The following RABGAP1L variants were observed in gnomAD, a reference collection of about 807,000 sequenced individuals.
RABGAP1L encodes RAB GTPase activating protein 1 like, also known as rab GTPase-activating protein 1-like.
RABGAP1L carries 63 observed loss-of-function variants against 137.7 expected under a neutral mutation model. The observed-to-expected ratio is 0.46, with a 90% CI of 0.37 to 0.56. The LOEUF (loss-of-function observed/expected upper bound fraction) is 0.56, where lower values mean the gene tolerates loss of function less well. RABGAP1L is among the 20% of genes least tolerant of loss of function. RABGAP1L has a pLI of 0.00. For missense variants in RABGAP1L, 1,095 were observed against 1,244.0 expected (o/e 0.88, Z 1.80); for synonymous variants, 431 against 433.7 (o/e 0.99, Z 0.08).
intron 22 of RABGAP1L, among the ~76,000 whole-genome samples, chr1:174,978,295 C>T (rs1023080653): frequency 6.6e-6 from 1 of 152,176 alleles, no homozygotes; most frequent in Non-Finnish European, 1.5e-5. Context: ...CCTGAATCTC[C>T]TGTCCTTCTC....
At chr1:174,867,702 G>A (rs1277365452) in intron 19 of RABGAP1L, among the ~76,000 whole-genome samples, 1 of 152,132 alleles carries the variant, frequency 6.6e-6, no homozygotes, top group African/African-American at 2.4e-5. Context: ...CTGGACTGCA[G>A]TGACGTGATC....
Position 174,787,272 on chromosome 1 carries a change from G to A in RABGAP1L, c.2212-24560G>A, listed in dbSNP as rs187305131. ...ACAAAAATGAACCGGGCGTGGTGGT[G>A]TGTGCCTGTAATCCCAGCTACTTGG... On this transcript the variant is annotated intron_variant, in intron 18 of 25. Transcript: ENST00000681986. Among the ~76,000 whole-genome samples the A allele has an allele frequency of 1.0e-3, 153 of 152,124 alleles. 1 individual carries two copies. The highest frequency in any genetic ancestry group is 3.5e-3 in the African/African-American group (146 of 41,518).
At chr1:174,168,314 T>C (rs2148215996) in intron 1 of RABGAP1L, among the ~76,000 whole-genome samples, 1 of 149,590 alleles carries the variant, frequency 6.7e-6, no homozygotes, top group South Asian at 2.1e-4. Context: ...ACTACTTTAG[T>C]GAAAAATTGA....
intron 13 of RABGAP1L, among the ~76,000 whole-genome samples, chr1:174,597,991 T>C (rs556642173): frequency 7.8e-4 from 119 of 152,338 alleles, no homozygotes; most frequent in Admixed American, 1.7e-3. Context: ...TTTCTAGTTT[T>C]ATTCCATTGT....
chr1:174,972,530 A>G (rs1670225808), intron 21 of RABGAP1L, among the ~76,000 whole-genome samples: 1 of 152,206 alleles, frequency 6.6e-6, no homozygotes, highest in African/African-American at 2.4e-5. Flanking sequence ...TTTAGACTTG[A>G]TAATGACAGT....
At chr1:174,599,527 C>A in intron 13 of RABGAP1L, among the ~76,000 whole-genome samples, 1 of 152,122 alleles carries the variant, frequency 6.6e-6, no homozygotes, top group East Asian at 1.9e-4. Flanking sequence ...GATAGGTCAG[C>A]AATTAATGAA....
chr1:174,893,837 G>A (rs763702496), intron 19 of RABGAP1L, among the ~76,000 whole-genome samples: 1 of 152,124 alleles, frequency 6.6e-6, no homozygotes, highest in Non-Finnish European at 1.5e-5. Context: ...GGGCCTGTTG[G>A]AACAGTTTGT....
chr1:174,926,231 C>T (rs1176019685), intron 19 of RABGAP1L, among the ~76,000 whole-genome samples: 1 of 151,976 alleles, frequency 6.6e-6, no homozygotes, highest in African/African-American at 2.4e-5. Context: ...AGAGCAAATG[C>T]CTTTTCCTTT....
At chr1:174,591,673 A>G (rs1176107136) in intron 13 of RABGAP1L, among the ~76,000 whole-genome samples, 1 of 61,468 alleles carries the variant, frequency 1.6e-5, no homozygotes, top group Admixed American at 2.2e-4. Flanking sequence ...GATATGTGGC[A>G]TTATTTCTGA....
intron 19 of RABGAP1L, among the ~76,000 whole-genome samples, chr1:174,854,847 C>T (rs1649025322): frequency 6.8e-6 from 1 of 146,342 alleles, no homozygotes; most frequent in Non-Finnish European, 1.5e-5. Flanking sequence ...AAGTGATTCT[C>T]TTGCCTCAGC....
intron 14 of RABGAP1L, among the ~76,000 whole-genome samples, chr1:174,642,638 TCTCTCCTCTC>T (rs888360253): frequency 6.6e-6 from 1 of 151,746 alleles, no homozygotes; most frequent in Non-Finnish European, 1.5e-5. Flanking sequence ...ATTATAGTCC[TCTCTCCTCTC>T]CTCTCCCCAC....
At position 174,448,573 on chromosome 1, in the gene RABGAP1L, C is replaced by G; in HGVS notation, c.1710+54428C>G. 1.9e-6 allele frequency: 3 copies of G among 1,613,766 alleles called. No homozygotes were observed. Among genetic ancestry groups the G allele is most frequent in the Non-Finnish European group, 2.5e-6 (3 of 1,179,734 alleles). On this transcript the variant is annotated intron_variant, in intron 13 of 25. Transcript: ENST00000681986. This position sits in a 1 kb window ranked among gnomAD's most constrained non-coding sequence, Gnocchi z 4.2. ...CTCTTTCCTACAATCAACTGGTCACCCCTTGTCGCTTGAGAATTTGCATTA... is the reference window on the plus strand; with the variant it reads ...CTCTTTCCTACAATCAACTGGTCACGCCTTGTCGCTTGAGAATTTGCATTA...
At chr1:174,670,987 G>A (rs1270578751) in intron 14 of RABGAP1L, among the ~76,000 whole-genome samples, 1 of 152,088 alleles carries the variant, frequency 6.6e-6, no homozygotes, top group Non-Finnish European at 1.5e-5. Flanking sequence ...CATAGTGGTT[G>A]TACTAATTTA....
At chr1:174,509,305 A>G (rs1662118542) in intron 13 of RABGAP1L, among the ~76,000 whole-genome samples, 1 of 152,152 alleles carries the variant, frequency 6.6e-6, no homozygotes, top group Admixed American at 6.5e-5. Flanking sequence ...TTATCTAGAA[A>G]CATAACAGCT....
intron 19 of RABGAP1L, among the ~76,000 whole-genome samples, chr1:174,936,009 A>G (rs868438654): frequency 2.0e-4 from 29 of 147,562 alleles, no homozygotes; most frequent in Middle Eastern, 7.1e-3. Context: ...AAAAAAAAAA[A>G]GAGTAAGTCT....
At position 174,326,601 on chromosome 1, in the gene RABGAP1L, C is replaced by T. The variant is rs192916147; in HGVS notation, c.1465+21474C>T. 7.2e-3 allele frequency among the ~76,000 whole-genome samples: 1,098 copies of T among 151,998 alleles called. 14 individuals are homozygous for T. Among genetic ancestry groups the T allele is most frequent in the African/African-American group, 0.024 (975 of 41,440 alleles). Reference sequence around the variant, plus strand: ...AGCAAATCTGTGTATCATTGATGTTCGAGAGGGACTGGAGTAGGGGAAGGG... The same window carrying T: ...AGCAAATCTGTGTATCATTGATGTTTGAGAGGGACTGGAGTAGGGGAAGGG... On this transcript the variant is annotated intron_variant, in intron 11 of 25. Coordinates refer to ENST00000681986, the MANE Select transcript of RABGAP1L (RefSeq NM_001366446.1).
intron 13 of RABGAP1L, chr1:174,449,247 T>G: frequency 2.1e-6 from 3 of 1,449,464 alleles, no homozygotes; most frequent in Non-Finnish European, 2.8e-6. Context: ...TTTTGGATCA[T>G]ATTCTAGATT....
intron 13 of RABGAP1L, among the ~76,000 whole-genome samples, chr1:174,560,419 G>C (rs1367700764): frequency 6.6e-6 from 1 of 152,210 alleles, no homozygotes; most frequent in Non-Finnish European, 1.5e-5. Context: ...GAATAGAAAA[G>C]AATATTGCGA....
At chr1:174,719,454 G>A (rs1360443476) in intron 17 of RABGAP1L, among the ~76,000 whole-genome samples, 4 of 152,090 alleles carry the variant, frequency 2.6e-5, no homozygotes, top group East Asian at 1.9e-4. Flanking sequence ...CAGTCAACAA[G>A]CATCTATTAA....
Sources: gnomAD v4.1 joint callset for allele counts (sites outside exome capture counted in the v4.1 genomes callset) on GRCh38, gnomAD v4.1.1 for gene constraint, Gnocchi (gnomAD v3.1) non-coding constraint, MANE v1.5 for transcripts, NCBI Gene and HGNC (gene_info 2026-07-23, HGNC 2026-07-21) for gene names.